CADPS: variants seen among roughly 807,000 people sequenced by gnomAD.
CADPS encodes the protein calcium-dependent secretion activator 1.
A neutral mutation model predicts 167.3 loss-of-function variants in CADPS; 57 were observed. The observed-to-expected ratio is 0.34, with a 90% CI of 0.28 to 0.42. The LOEUF (loss-of-function observed/expected upper bound fraction) is 0.42, where lower values mean the gene tolerates loss of function less well. Among genes scored for constraint, CADPS ranks in the 20% least tolerant of loss-of-function variants. The pLI is 1.00. For missense variants in CADPS, 1,414 were observed against 1,738.1 expected, an observed-to-expected ratio of 0.81 and a Z score of 3.32; for synonymous variants, 676 against 635.3, an observed-to-expected ratio of 1.06 and a Z score of -0.96.
intron 4 of CADPS, among the ~76,000 whole-genome samples, chr3:62,656,777 C>A (rs1014078391): frequency 1.3e-5 from 2 of 152,182 alleles, no homozygotes; most frequent in Non-Finnish European, 2.9e-5. Context: ...TTAAAAGGCA[C>A]TTTGGGCTCA....
chr3:62,465,173 G>A lies in CADPS; in HGVS notation c.3636+194C>T, dbSNP rs1276352090. Among the ~76,000 whole-genome samples, 1 of 152,118 alleles carries A rather than the reference G, an allele frequency of 6.6e-6. No individual in the cohort carries two copies. The highest frequency in any genetic ancestry group is 1.9e-4 in the East Asian group (1 of 5,192). The stretch of plus-strand genomic sequence containing the variant: ...ACACACATATTGTACCTTTACAAAT[G>A]AAATAGAAATGATGTTGGATTACCT... On this transcript the variant is annotated intron_variant, in intron 26 of 29. Transcript: ENST00000383710. This position sits in a 1 kb window ranked among gnomAD's most constrained non-coding sequence, Gnocchi z 4.1.
At chr3:62,513,661 G>A (rs1481540593) in intron 16 of CADPS, 2 of 1,594,586 alleles carry the variant, frequency 1.3e-6, no homozygotes, top group Non-Finnish European at 1.7e-6. Context: ...CATCACTTGG[G>A]AGGCCAAGCA....
At chr3:62,841,923 T>A (rs2076704623) in intron 1 of CADPS, among the ~76,000 whole-genome samples, 1 of 152,256 alleles carries the variant, frequency 6.6e-6, no homozygotes, top group East Asian at 1.9e-4. Flanking sequence ...AAGTGAAAGC[T>A]ATTGTTCACA....
chr3:62,836,050 C>T (rs1388959096), intron 1 of CADPS, among the ~76,000 whole-genome samples: 2 of 152,062 alleles, frequency 1.3e-5, no homozygotes, highest in African/African-American at 2.4e-5. Context: ...TTTTGTTGAG[C>T]ACCCTCTGGT....
chr3:62,861,793 T>A (rs1034464827), intron 1 of CADPS, among the ~76,000 whole-genome samples: 3 of 152,198 alleles, frequency 2.0e-5, no homozygotes, highest in African/African-American at 4.8e-5. Context: ...CAACCTTTGT[T>A]CTTATTTTCT....
At chr3:62,565,365 A>G (rs2079958126) in intron 9 of CADPS, among the ~76,000 whole-genome samples, 1 of 152,198 alleles carries the variant, frequency 6.6e-6, no homozygotes, top group Admixed American at 6.5e-5. Context: ...TAGAGAACAT[A>G]AACTCTAAGA....
intron 26 of CADPS, among the ~76,000 whole-genome samples, chr3:62,448,094 A>T (rs139609249): frequency 1.0e-3 from 157 of 152,038 alleles, no homozygotes; most frequent in Non-Finnish European, 1.9e-3. Flanking sequence ...AGAAGCCAAG[A>T]CTCCTATGCG....
intron 28 of CADPS, among the ~76,000 whole-genome samples, chr3:62,428,472 C>G (rs1252473312): frequency 2.0e-5 from 3 of 152,000 alleles, no homozygotes; most frequent in Middle Eastern, 6.8e-3. Flanking sequence ...TGGATACAGT[C>G]AGGGGAGAAG....
chr3:62,717,731 C>T (rs1413585797), intron 3 of CADPS, among the ~76,000 whole-genome samples: 1 of 152,148 alleles, frequency 6.6e-6, no homozygotes, highest in Non-Finnish European at 1.5e-5. Context: ...CTTAAAATAG[C>T]CAGGGTGATC....
intron 27 of CADPS, among the ~76,000 whole-genome samples, chr3:62,441,309 G>A (rs1301368590): frequency 1.3e-5 from 2 of 152,170 alleles, no homozygotes; most frequent in African/African-American, 4.8e-5. Context: ...GCATCCATGT[G>A]TGGAAGACAT....
chr3:62,814,219 G>A (rs2094511170), intron 1 of CADPS, among the ~76,000 whole-genome samples: 1 of 152,114 alleles, frequency 6.6e-6, no homozygotes, highest in South Asian at 2.1e-4. Context: ...TCTTTGAAAG[G>A]TGATGTGAAG....
chr3:62,655,246 A>T (rs1305732246), intron 4 of CADPS, among the ~76,000 whole-genome samples: 1 of 152,192 alleles, frequency 6.6e-6, no homozygotes, highest in Non-Finnish European at 1.5e-5. Flanking sequence ...GGAGTTTTTC[A>T]GTGGCAGACC....
chr3:62,845,140 A>C (rs2077206099), intron 1 of CADPS, among the ~76,000 whole-genome samples: 1 of 152,142 alleles, frequency 6.6e-6, no homozygotes, highest in African/African-American at 2.4e-5. Flanking sequence ...CAACTATTCC[A>C]CACTTTTCAT....
chr3:62,810,973 G>C (rs906735424), intron 1 of CADPS, among the ~76,000 whole-genome samples: 1 of 152,356 alleles, frequency 6.6e-6, no homozygotes, highest in African/African-American at 2.4e-5. Flanking sequence ...ACTGGTACTG[G>C]TGGTGGGGAA....
chr3:62,690,414 G>A (rs2078891557), intron 3 of CADPS, among the ~76,000 whole-genome samples: 1 of 152,052 alleles, frequency 6.6e-6, no homozygotes, highest in Non-Finnish European at 1.5e-5. Flanking sequence ...ACTCGTTTGT[G>A]TGAACTTTTT....
intron 5 of CADPS, among the ~76,000 whole-genome samples, chr3:62,648,873 T>C (rs1328825855): frequency 6.6e-6 from 1 of 152,022 alleles, no homozygotes; most frequent in Non-Finnish European, 1.5e-5. Context: ...GGTGGCAGTA[T>C]TGTTTTTTAA....
intron 16 of CADPS, 80 bp from the exon 17 acceptor site, chr3:62,512,848 C>G (rs1265486310): frequency 8.4e-7 from 1 of 1,185,544 alleles, no homozygotes; most frequent in African/African-American, 1.5e-5. Context: ...GCAAGTGGAC[C>G]AAAATGCCCC....
chr3:62,491,552 C>T lies in CADPS; in HGVS notation c.2885-72G>A, dbSNP rs557199127. Reference sequence around the variant, plus strand: ...TCAACGTACAACACACACACACACACACACAAACACACACACACACACACA... The same window carrying T: ...TCAACGTACAACACACACACACACATACACAAACACACACACACACACACA... On this transcript the variant is annotated intron_variant, in intron 20 of 29. Transcript: ENST00000383710. The T allele has an allele frequency of 6.8e-6, 6 of 883,942 alleles. No individual in the cohort carries two copies. In the Admixed American group the frequency reaches 8.3e-5, roughly 12 times the overall value. The allele number at this position is 883,942 out of a possible 1,614,324, so 54.8% of individuals were successfully genotyped here.
At position 62,465,055 on chromosome 3, in the gene CADPS, T is replaced by G. The variant is rs1438585934; in HGVS notation, c.3636+312A>C. Among the ~76,000 whole-genome samples the G allele has an allele frequency of 6.6e-6, 1 of 152,202 alleles. No individual in the cohort carries two copies. Among genetic ancestry groups the G allele is most frequent in the Non-Finnish European group, 1.5e-5 (1 of 68,044 alleles). ...CAGATGAGGAAATGGTGGCCCACAT[T>G]AAGTCATTTGCCAGAGCTAGCTAAG... On this transcript the variant is annotated intron_variant, in intron 26 of 29. Transcript: ENST00000383710. This position sits in a 1 kb window ranked among gnomAD's most constrained non-coding sequence, Gnocchi z 4.1.
Sources: allele counts gnomAD v4.1 joint callset (sites outside exome capture counted in the v4.1 genomes callset), GRCh38; gene constraint gnomAD v4.1.1; non-coding constraint Gnocchi (gnomAD v3.1); transcripts MANE v1.5; gene names NCBI Gene and HGNC (gene_info 2026-07-23, HGNC 2026-07-21).